Variants in SMARCA2 observed in about 807,000 individuals in gnomAD.
SMARCA2 encodes the protein SWI/SNF related BAF chromatin remodeling complex subunit ATPase 2, also known as SWI/SNF-related matrix-associated actin-dependent regulator of chromatin subfamily A member 2.
SMARCA2 carries 61 observed loss-of-function variants against 199.8 expected under a neutral mutation model. That is an observed-to-expected ratio of 0.31 (90% confidence interval 0.25 to 0.38). The LOEUF (loss-of-function observed/expected upper bound fraction) is 0.38, where lower values mean the gene tolerates loss of function less well. Ranked by LOEUF, SMARCA2 falls within the 10% of genes least tolerant of loss-of-function variation. The pLI, the probability that SMARCA2 is intolerant of heterozygous loss-of-function variation, is 1.00. For synonymous variants in SMARCA2, 935 were observed against 732.0 expected, an observed-to-expected ratio of 1.28 and a Z score of -4.48; for missense variants, 1,344 against 2,012.2, an observed-to-expected ratio of 0.67 and a Z score of 6.35.
intron 13 of SMARCA2, among the ~76,000 whole-genome samples, 186 bp downstream of exon 13, chr9:2,076,515 A>ATCCC: frequency 6.7e-6 from 1 of 148,832 alleles, no homozygotes; most frequent in Non-Finnish European, 1.5e-5. Context: ...TTGATTCTCC[A>ATCCC]TCCCTCCCTC....
chr9:2,098,054 T>C (rs1375372554), intron 21 of SMARCA2, among the ~76,000 whole-genome samples: 1 of 152,236 alleles, frequency 6.6e-6, no homozygotes, highest in African/African-American at 2.4e-5. Context: ...TTCTGCCATG[T>C]TCACTCCATG....
Position 2,029,056 on chromosome 9 carries a change from C to G in SMARCA2, c.34C>G (p.His12Asp). 1 of 1,556,600 alleles carries G rather than the reference C, an allele frequency of 6.4e-7. No individual in the cohort carries two copies. The highest frequency in any genetic ancestry group is 8.7e-7 in the Non-Finnish European group (1 of 1,149,654). The change falls in exon 2 of 34, where the codon CAC (histidine) becomes GAC (aspartate). Residue 12 changes from histidine (H) to aspartate (D), a missense_variant. Around this residue, in one of 18 missense-constraint regions of SMARCA2, gnomAD observed 275 missense variants for 247.5 expected, o/e 1.11. Transcript: ENST00000349721. Reference sequence around the variant, plus strand: ...GCCCACAGACCCTGGTGCGATGCCCCACCCAGGGCCTTCGCCGGGGCCTGG... The same window carrying G: ...GCCCACAGACCCTGGTGCGATGCCCGACCCAGGGCCTTCGCCGGGGCCTGG... The part of the protein sequence containing the change: ...STPTDPGAMP[H>D]PGPSPGPGPS...
At chr9:2,151,642 A>G (rs1211348748) in intron 27 of SMARCA2, among the ~76,000 whole-genome samples, 1 of 152,158 alleles carries the variant, frequency 6.6e-6, no homozygotes, top group Non-Finnish European at 1.5e-5. Flanking sequence ...CTGAGACATG[A>G]GAATCTCTTG....
rs770929436 is a variant in SMARCA2, at chr9:2,083,335, T to G, written c.2349-12T>G. ...TGTCTTTTTTCTGTTGTTTTTTTTT[T>G]TTGTTCCATAGGACTCTATCTAACT... On this transcript the variant is annotated splice_polypyrimidine_tract_variant and intron_variant, in intron 15 of 33. Coordinates refer to ENST00000349721, the MANE Select transcript of SMARCA2 (RefSeq NM_003070.5). The G allele has an allele frequency of 1.3e-6, 2 of 1,539,100 alleles. No homozygotes were observed. The highest frequency in any genetic ancestry group is 1.8e-6 in the Non-Finnish European group (2 of 1,141,004).
intron 27 of SMARCA2, among the ~76,000 whole-genome samples, chr9:2,142,837 C>T (rs956680585): frequency 1.1e-4 from 16 of 152,100 alleles, no homozygotes; most frequent in African/African-American, 3.9e-4. Context: ...ACGCGTTTCC[C>T]TAGCAAGCTC....
intron 21 of SMARCA2, among the ~76,000 whole-genome samples, chr9:2,099,405 G>A (rs1005540728): frequency 2.0e-5 from 3 of 152,106 alleles, no homozygotes; most frequent in Non-Finnish European, 2.9e-5. Flanking sequence ...ATCTTACTTC[G>A]TTTTGGTTAT....
At chr9:2,137,420 C>T (rs928219161) in intron 27 of SMARCA2, among the ~76,000 whole-genome samples, 8 of 152,040 alleles carry the variant, frequency 5.3e-5, no homozygotes, top group African/African-American at 1.9e-4. Context: ...GTGCTGGATT[C>T]CCACCTCCTT....
intron 27 of SMARCA2, chr9:2,158,858 C>T: frequency 7.4e-7 from 1 of 1,351,448 alleles, no homozygotes; most frequent in Non-Finnish European, 1.0e-6. Flanking sequence ...GAAAAAGACC[C>T]TTAGAAATCA....
At chr9:2,035,887 T>C (rs896523778) in intron 3 of SMARCA2, among the ~76,000 whole-genome samples, 5 of 152,196 alleles carry the variant, frequency 3.3e-5, no homozygotes, top group Non-Finnish European at 5.9e-5. Context: ...TTTTATATAA[T>C]GATCTAAAAA....
chr9:2,149,403 C>G (rs1162482678), intron 27 of SMARCA2, among the ~76,000 whole-genome samples: 1 of 151,286 alleles, frequency 6.6e-6, no homozygotes, highest in African/African-American at 2.4e-5. Context: ...GCCCGTAATC[C>G]AAGCTACTCA....
intron 27 of SMARCA2, among the ~76,000 whole-genome samples, chr9:2,153,481 G>C (rs937519834): frequency 3.9e-5 from 6 of 151,966 alleles, no homozygotes; most frequent in Admixed American, 2.0e-4. Flanking sequence ...GTAGTGAGCT[G>C]TGATTGATTA....
chr9:2,083,428 A>G lies in SMARCA2; in HGVS notation c.2415+15A>G. ...TTTCTTACAAGGTTTGGAATGCTGTATTTATATATAAATGTGGAAAAGCAA... is the reference window on the plus strand; with the variant it reads ...TTTCTTACAAGGTTTGGAATGCTGTGTTTATATATAAATGTGGAAAAGCAA... On this transcript the variant is annotated intron_variant, in intron 16 of 33. Coordinates refer to ENST00000349721, the MANE Select transcript of SMARCA2 (RefSeq NM_003070.5). 1 of 1,564,328 alleles carries G rather than the reference A, an allele frequency of 6.4e-7. No individual in the cohort carries two copies. The highest frequency in any genetic ancestry group is 8.7e-7 in the Non-Finnish European group (1 of 1,145,596).
chr9:2,032,755 T>G (rs971097023), intron 2 of SMARCA2, 197 bp from the exon 3 acceptor site: 1 of 440,570 alleles, frequency 2.3e-6, no homozygotes, highest in African/African-American at 2.1e-5. Context: ...AAAACAACCC[T>G]CCACTGTTTA....
chr9:2,178,237 C>T (rs1454230501), intron 29 of SMARCA2, among the ~76,000 whole-genome samples: 1 of 152,100 alleles, frequency 6.6e-6, no homozygotes, highest in Non-Finnish European at 1.5e-5. Flanking sequence ...ACCGTAAGAC[C>T]AGTGAGTGCC....
chr9:2,098,790 T>G (rs777928584), intron 21 of SMARCA2, among the ~76,000 whole-genome samples: 1 of 151,902 alleles, frequency 6.6e-6, no homozygotes, highest in African/African-American at 2.4e-5. Flanking sequence ...ATTACAAAAC[T>G]ACAAAAATTA....
Position 2,072,272 on chromosome 9 carries a change from A to C in SMARCA2, c.1747-940A>C, listed in dbSNP as rs372319139. Among the ~76,000 whole-genome samples, 165 of 152,344 alleles carry C rather than the reference A, an allele frequency of 1.1e-3. 1 individual carries two copies. In the Middle Eastern group the frequency reaches 0.014, roughly 13 times the overall value. On this transcript the variant is annotated intron_variant, in intron 10 of 33. Coordinates refer to ENST00000349721, the MANE Select transcript of SMARCA2 (RefSeq NM_003070.5). ...AGATAACTTGAACCACTCACAGACC[A>C]AGCATTTCCAAACAAACATTTTACT...
chr9:2,031,560 C>G (rs1819072865), intron 2 of SMARCA2, among the ~76,000 whole-genome samples: 1 of 152,140 alleles, frequency 6.6e-6, no homozygotes, highest in African/African-American at 2.4e-5. Context: ...TGTTTTTCTC[C>G]TGGATTGTTT....
At position 2,130,610 on chromosome 9, in the gene SMARCA2, A is replaced by G. The variant is rs140219419; in HGVS notation, c.3981+6673A>G. Reference sequence around the variant, plus strand: ...AATATTCCATCCATTACAGTTTTGTAACTTTCCTATGGTGTGTGCCCAAGG... The same window carrying G: ...AATATTCCATCCATTACAGTTTTGTGACTTTCCTATGGTGTGTGCCCAAGG... On this transcript the variant is annotated intron_variant, in intron 27 of 33. Transcript: ENST00000349721. Among the ~76,000 whole-genome samples the G allele has an allele frequency of 4.6e-5, 7 of 152,314 alleles. No individual in the cohort carries two copies. The South Asian group carries it at 1.2e-3, about 27-fold the overall frequency.
intron 28 of SMARCA2, among the ~76,000 whole-genome samples, chr9:2,163,856 G>C (rs1370677658): frequency 1.3e-5 from 2 of 152,138 alleles, no homozygotes; most frequent in Non-Finnish European, 2.9e-5. Flanking sequence ...CCAACAGGTG[G>C]ATGACATACT....
Sources: gnomAD v4.1 joint callset for allele counts (sites outside exome capture counted in the v4.1 genomes callset) on GRCh38, gnomAD v4.1.1 for gene constraint, gnomAD v4.1.1 regional missense constraint, MANE v1.5 for transcripts, NCBI Gene and HGNC (gene_info 2026-07-23, HGNC 2026-07-21) for gene names.